EP300: variants seen among roughly 807,000 people sequenced by gnomAD.
EP300 encodes the protein EP300 lysine acetyltransferase, also known as histone acetyltransferase p300.
EP300 carries 31 observed loss-of-function variants against 264.0 expected under a neutral mutation model. That is an observed-to-expected ratio of 0.12 (90% CI 0.09 to 0.16). The LOEUF (loss-of-function observed/expected upper bound fraction) is 0.16, where lower values mean the gene tolerates loss of function less well. EP300 is among the 10% of genes least tolerant of loss of function. The pLI, the probability that EP300 is intolerant of heterozygous loss-of-function variation, is 1.00. For synonymous variants in EP300, 1,340 were observed against 1,045.4 expected (o/e 1.28, Z -5.44); for missense variants, 2,766 against 3,052.9 (o/e 0.91, Z 2.21).
chr22:41,116,555 C>T (rs2058822623), intron 1 of EP300, among the ~76,000 whole-genome samples: 1 of 152,142 alleles, frequency 6.6e-6, no homozygotes, highest in Non-Finnish European at 1.5e-5. Flanking sequence ...TTTTTTATGG[C>T]TGCATAGTAT....
chr22:41,169,301 A>G, intron 25 of EP300: 2 of 602,296 alleles, frequency 3.3e-6, no homozygotes, highest in Non-Finnish European at 5.9e-6. Flanking sequence ...AGTTACTACA[A>G]ATAGAAGGAA....
chr22:41,113,467 C>G (rs2058805040), intron 1 of EP300, among the ~76,000 whole-genome samples: 1 of 151,962 alleles, frequency 6.6e-6, no homozygotes, highest in Non-Finnish European at 1.5e-5. Flanking sequence ...TACTATTTTT[C>G]TAATATAATT....
chr22:41,169,757 G>A, intron 26 of EP300, 141 bp downstream of exon 26: 1 of 654,154 alleles, frequency 1.5e-6, no homozygotes, highest in South Asian at 1.7e-5. Flanking sequence ...TAACTTTGTT[G>A]GAGCCCCTTT....
At chr22:41,113,535 T>C (rs1050462008) in intron 1 of EP300, among the ~76,000 whole-genome samples, 1 of 152,146 alleles carries the variant, frequency 6.6e-6, no homozygotes, top group Non-Finnish European at 1.5e-5. Context: ...TTCATTAATT[T>C]GTAACTTTAT....
intron 7 of EP300, among the ~76,000 whole-genome samples, chr22:41,137,230 G>T (rs1309346085): frequency 6.8e-6 from 1 of 147,090 alleles, no homozygotes; most frequent in East Asian, 2.0e-4. Flanking sequence ...GGTGGCGGGT[G>T]CCTGTAATCC....
chr22:41,147,970 C>A (rs371920518), intron 12 of EP300, 24 bp downstream of exon 12: 119 of 1,517,164 alleles, frequency 7.8e-5, no homozygotes, highest in Middle Eastern at 1.7e-4. Flanking sequence ...CTTTGGTAAT[C>A]TCTTTGGCCT....
In EP300 at chr22:41,179,506, A is replaced by C. The variant is rs935587158; in HGVS notation, c.*550A>C. ...TACCAGTTTTTTTTCTCTGGGTGCA[A>C]AGATGTTCATTCTTTTAAAAAATGT... On this transcript the variant is annotated 3_prime_UTR_variant, in exon 31 of 31. Coordinates refer to ENST00000263253, the MANE Select transcript of EP300 (RefSeq NM_001429.4). 3 of 176,944 alleles carry C rather than the reference A, an allele frequency of 1.7e-5. No homozygotes were observed. The highest frequency in any genetic ancestry group is 7.2e-5 in the African/African-American group (3 of 41,508). 11.0% of individuals were successfully genotyped at this position (176,944 alleles called of 1,614,324 possible).
chr22:41,169,106 T>C (rs2059156133), intron 25 of EP300: 1 of 608,324 alleles, frequency 1.6e-6, no homozygotes, highest in Non-Finnish European at 2.9e-6. Context: ...AACCTGAAAT[T>C]GGAATTTGAA....
In EP300 at chr22:41,141,235, T is replaced by A. The variant is rs751173014; in HGVS notation, c.2053+13T>A. Reference sequence around the variant, plus strand: ...GGAATGACTTCTAGTAAGTGGTTTTTGTTATATTTCTGTTTGAGAGAAATT... The same window carrying A: ...GGAATGACTTCTAGTAAGTGGTTTTAGTTATATTTCTGTTTGAGAGAAATT... On this transcript the variant is annotated intron_variant, in intron 10 of 30. Transcript: ENST00000263253. 1 of 1,612,350 alleles carries A rather than the reference T, an allele frequency of 6.2e-7. No homozygotes were observed. The highest frequency in any genetic ancestry group is 8.5e-7 in the Non-Finnish European group (1 of 1,178,414).
In EP300 at chr22:41,131,195, T is replaced by C. The variant is rs932795041; in HGVS notation, c.1283-193T>C. Among the ~76,000 whole-genome samples the C allele has an allele frequency of 2.0e-5, 3 of 152,354 alleles. No homozygotes were observed. In the East Asian group the frequency reaches 5.8e-4, roughly 29 times the overall value. Reference sequence around the variant, plus strand: ...GGCATTCAGAATCAAAAGCCTTTTATACCAGTGGTCCCCTTTACCAATCAG... The same window carrying C: ...GGCATTCAGAATCAAAAGCCTTTTACACCAGTGGTCCCCTTTACCAATCAG... On this transcript the variant is annotated intron_variant, in intron 5 of 30. Coordinates refer to ENST00000263253, the MANE Select transcript of EP300 (RefSeq NM_001429.4).
intron 1 of EP300, among the ~76,000 whole-genome samples, chr22:41,099,422 T>C (rs1469344408): frequency 1.3e-5 from 2 of 152,166 alleles, no homozygotes; most frequent in Non-Finnish European, 2.9e-5. Context: ...AAACCCTGTA[T>C]AGTAGTGAAT....
chr22:41,121,265 A>G (rs8142938), intron 2 of EP300, among the ~76,000 whole-genome samples: 12 of 152,092 alleles, frequency 7.9e-5, no homozygotes, highest in Admixed American at 1.3e-4. Flanking sequence ...TTAGGTAGCT[A>G]TTTGTATGGT....
chr22:41,111,801 AGTGCT>A (rs1192059156), intron 1 of EP300, among the ~76,000 whole-genome samples: 1 of 150,690 alleles, frequency 6.6e-6, no homozygotes, highest in Non-Finnish European at 1.5e-5. Context: ...GGCCTGCTAA[AGTGCT>A]GGGATTACAG....
intron 9 of EP300, 101 bp from the exon 10 acceptor site, chr22:41,140,947 A>G: frequency 8.6e-7 from 1 of 1,165,318 alleles, no homozygotes; most frequent in South Asian, 1.4e-5. Context: ...AATGCAGCAT[A>G]TAAAATGAAA....
chr22:41,167,609 T>TATATATAC (rs2059145084), intron 23 of EP300, among the ~76,000 whole-genome samples: 1 of 36,858 alleles, frequency 2.7e-5, no homozygotes, highest in Non-Finnish European at 8.4e-5. Flanking sequence ...TATATATATA[T>TATATATAC]ATATATATAT....
chr22:41,138,938 CTTTG>C (rs907161322), intron 8 of EP300, among the ~76,000 whole-genome samples: 24 of 151,654 alleles, frequency 1.6e-4, no homozygotes, highest in African/African-American at 2.4e-4. Flanking sequence ...ATTTAGGATT[CTTTG>C]TTTGTTTGTT....
rs1392089599 is a variant in EP300 at position 41,167,616 on chromosome 22, ATATATATATATATATATAT to A, written c.3875-832_3875-814del. Reference sequence around the variant, plus strand: ...TATATATATATATATATATATATATATATATATATATATATATATAATGTTTGGTTGGTTGGGTTTTTTG... The same window carrying A: ...TATATATATATATATATATATATATAAATGTTTGGTTGGTTGGGTTTTTTG... On this transcript the variant is annotated intron_variant, in intron 23 of 30. Coordinates refer to ENST00000263253, the MANE Select transcript of EP300 (RefSeq NM_001429.4). Among the ~76,000 whole-genome samples the A allele has an allele frequency of 2.9e-4, 14 of 48,446 alleles. 1 individual carries two copies. Among genetic ancestry groups the A allele is most frequent in the Non-Finnish European group, 1.5e-4 (3 of 20,562 alleles). The allele number at this position is 48,446 out of a possible 152,430, so 31.8% of individuals were successfully genotyped here.
chr22:41,145,982 A>G (rs1283442868), intron 10 of EP300, among the ~76,000 whole-genome samples: 4 of 152,010 alleles, frequency 2.6e-5, no homozygotes, highest in Non-Finnish European at 5.9e-5. Flanking sequence ...AGTGTGGTAT[A>G]ATATGCATAT....
intron 1 of EP300, among the ~76,000 whole-genome samples, chr22:41,107,247 C>T (rs1161431826): frequency 6.6e-6 from 1 of 152,006 alleles, no homozygotes; most frequent in African/African-American, 2.4e-5. Flanking sequence ...GGAGGAGGAG[C>T]AGTAGATGGA....
Sources: gnomAD v4.1 joint callset for allele counts (sites outside exome capture counted in the v4.1 genomes callset) on GRCh38, gnomAD v4.1.1 for gene constraint, MANE v1.5 for transcripts, NCBI Gene and HGNC (gene_info 2026-07-23, HGNC 2026-07-21) for gene names.